The following SEC31B variants were observed in gnomAD, a reference collection of about 807,000 sequenced individuals.
The protein encoded by SEC31B is protein transport protein Sec31B.
Under a neutral mutation model 135.0 loss-of-function variants are expected in SEC31B, and 113 were observed. The ratio of observed to expected loss-of-function variants is 0.84; its 90% CI spans 0.72 to 0.98. The LOEUF is 0.98. SEC31B is among the 50% of genes least tolerant of loss of function. SEC31B has a pLI of 0.00. For missense variants in SEC31B, 1,296 were observed against 1,421.1 expected (o/e 0.91, Z 1.42); for synonymous variants, 508 against 549.4 (o/e 0.92, Z 1.05).
chr10:100,507,209 T>G (rs1235086297), intron 7 of SEC31B, among the ~76,000 whole-genome samples: 2 of 152,230 alleles, frequency 1.3e-5, no homozygotes, highest in Non-Finnish European at 2.9e-5. Context: ...TCTCTGGAAT[T>G]TAGATGGAAT....
At position 100,488,929 on chromosome 10, in the gene SEC31B, G is replaced by C; in HGVS notation, c.3217C>G (p.Pro1073Ala). Residue 1073 changes from proline to alanine, a missense_variant, in exon 24 of 26, where the codon CCA becomes GCA. By Grantham distance (27) the Pro-to-Ala change is conservative (BLOSUM62 -1). Transcript: ENST00000370345. ...PEKMERKELP[P>A]EHQSLKSSFE... ...CTGCTCTTCAAGGACTGATGCTCTG[G>C]GGGCAGCTCCTTCCTTTCCATCTTC... 6.2e-7 allele frequency: 1 copy of C among 1,611,636 alleles called. No individual in the cohort carries two copies.
At chr10:100,489,984 G>T in intron 21 of SEC31B, 24 bp downstream of exon 21, 1 of 1,533,040 alleles carries the variant, frequency 6.5e-7, no homozygotes, top group South Asian at 1.3e-5. Flanking sequence ...ACCCAGAAGA[G>T]GGATCCATGG....
In SEC31B at chr10:100,510,879, A is replaced by G. The variant is rs149383939; in HGVS notation, c.204-1368T>C. ...ATACAGCAGAAGGATGTTTTTCCATACAGGCTGAAGAGGCTGCCATGTCAT... is the reference window on the plus strand; with the variant it reads ...ATACAGCAGAAGGATGTTTTTCCATGCAGGCTGAAGAGGCTGCCATGTCAT... On this transcript the variant is annotated intron_variant, in intron 3 of 25. Coordinates refer to ENST00000370345, the MANE Select transcript of SEC31B (RefSeq NM_015490.4). Among the ~76,000 whole-genome samples, 8 of 152,332 alleles carry G rather than the reference A, an allele frequency of 5.3e-5. No individual in the cohort carries two copies. In the East Asian group the frequency reaches 1.5e-3, roughly 29 times the overall value.
At chr10:100,497,456 A>T in intron 16 of SEC31B, 176 bp from the exon 17 acceptor site, 1 of 1,473,308 alleles carries the variant, frequency 6.8e-7, no homozygotes, top group South Asian at 1.4e-5. Context: ...TGGTGTGACA[A>T]GACAAGGTAA....
intron 19 of SEC31B, among the ~76,000 whole-genome samples, chr10:100,492,957 A>G (rs1214370302): frequency 6.6e-6 from 1 of 152,256 alleles, no homozygotes; most frequent in African/African-American, 2.4e-5. Flanking sequence ...TCATGGACTG[A>G]AAGACTGAAC....
At chr10:100,515,686 T>C (rs1039943408) in intron 3 of SEC31B, among the ~76,000 whole-genome samples, 29 of 152,320 alleles carry the variant, frequency 1.9e-4, no homozygotes, top group African/African-American at 6.7e-4. Flanking sequence ...ATGAAATCCA[T>C]GAGAACCAAT....
intron 10 of SEC31B, 124 bp downstream of exon 10, chr10:100,505,237 G>A (rs1182735366): frequency 8.2e-7 from 1 of 1,216,066 alleles, no homozygotes; most frequent in Non-Finnish European, 1.1e-6. Context: ...CTGAGACAGA[G>A]GCAGTGGGAA....
At chr10:100,507,392 C>G (rs1589738434) in intron 7 of SEC31B, 33 bp downstream of exon 7, 13 of 1,613,960 alleles carry the variant, frequency 8.1e-6, no homozygotes, top group East Asian at 6.7e-5. Flanking sequence ...TCCACCATCC[C>G]CCCAAGGATA....
intron 3 of SEC31B, among the ~76,000 whole-genome samples, chr10:100,514,486 T>C (rs1324821516): frequency 6.6e-6 from 1 of 151,722 alleles, no homozygotes; most frequent in African/African-American, 2.4e-5. Flanking sequence ...TAAGAGTATC[T>C]AATCATCATC....
chr10:100,497,356 G>A (rs893410343), intron 16 of SEC31B, 76 bp from the exon 17 acceptor site: 1 of 1,581,150 alleles, frequency 6.3e-7, no homozygotes. Flanking sequence ...GAAACAGGGA[G>A]AGGACCATGA....
At chr10:100,490,557 G>T in intron 20 of SEC31B, 149 bp downstream of exon 20, 1 of 906,300 alleles carries the variant, frequency 1.1e-6, no homozygotes, top group Non-Finnish European at 1.6e-6. Flanking sequence ...AAGGTACGAA[G>T]CCAGTGATAG....
At chr10:100,492,187 C>T (rs914971050) in intron 19 of SEC31B, among the ~76,000 whole-genome samples, 8 of 152,182 alleles carry the variant, frequency 5.3e-5, no homozygotes, top group Non-Finnish European at 1.0e-4. Flanking sequence ...TGTTTTTCCT[C>T]TAAGACTGGA....
chr10:100,489,735 G>A lies in SEC31B; in HGVS notation c.2992C>T (p.Pro998Ser), dbSNP rs1459727402. 3.1e-6 allele frequency: 5 copies of A among 1,613,944 alleles called. No individual in the cohort carries two copies. Among genetic ancestry groups the A allele is most frequent in the African/African-American group, 1.3e-5 (1 of 74,876 alleles). The change falls in exon 22 of 26, where the codon CCA (proline) becomes TCA (serine). Residue 998 changes from proline to serine, a missense_variant. By Grantham distance (74) the Pro-to-Ser change is moderately conservative. Coordinates refer to ENST00000370345, the MANE Select transcript of SEC31B (RefSeq NM_015490.4). ...PGPQDSWKEAPAPRGNLQRNK... is the reference protein window; with the variant it reads ...PGPQDSWKEASAPRGNLQRNK... ...CTCTGGAGGTTTCCCCTGGGGGCTG[G>A]GGCTTCTTTCCAGGAATCTTGAGGT...
intron 9 of SEC31B, 185 bp from the exon 10 acceptor site, chr10:100,505,680 T>C: frequency 7.1e-7 from 1 of 1,414,346 alleles, no homozygotes; most frequent in Non-Finnish European, 9.2e-7. Context: ...GCAAGTAGGC[T>C]CTTGGAAAGA....
chr10:100,498,943 G>C, intron 13 of SEC31B, 139 bp from the exon 14 acceptor site: 1 of 715,596 alleles, frequency 1.4e-6, no homozygotes, highest in South Asian at 1.8e-5. Flanking sequence ...GTTTGGGGAG[G>C]GCCATAGTTC....
Position 100,509,599 on chromosome 10 carries a change from T to A in SEC31B, c.204-88A>T, listed in dbSNP as rs920880272. The A allele has an allele frequency of 3.6e-6, 4 of 1,103,018 alleles. No individual in the cohort carries two copies. In the South Asian group the frequency reaches 6.9e-5, roughly 19 times the overall value. 68.3% of individuals were successfully genotyped at this position (1,103,018 alleles called of 1,614,324 possible). A position where few individuals can be genotyped will look rare whatever the true frequency, so the allele number is the denominator to read the frequency against. ...GCATCTCTGTCAGCTTCTGCCATTATGCAGGCAGCCCCACCCCTAGCTGGA... is the reference window on the plus strand; with the variant it reads ...GCATCTCTGTCAGCTTCTGCCATTAAGCAGGCAGCCCCACCCCTAGCTGGA... On this transcript the variant is annotated intron_variant, in intron 3 of 25. Transcript: ENST00000370345.
intron 10 of SEC31B, among the ~76,000 whole-genome samples, chr10:100,504,157 TCA>T (rs1465720556): frequency 6.6e-6 from 1 of 152,202 alleles, no homozygotes; most frequent in Non-Finnish European, 1.5e-5. Context: ...AATGAATTGT[TCA>T]AGGTTACCCA....
At chr10:100,515,205 T>C (rs1368091280) in intron 3 of SEC31B, among the ~76,000 whole-genome samples, 2 of 151,998 alleles carry the variant, frequency 1.3e-5, no homozygotes, top group African/African-American at 4.8e-5. Flanking sequence ...GGCGGGAGGA[T>C]TGCTTGAGCC....
At chr10:100,496,452 G>A in intron 17 of SEC31B, 21 bp from the exon 18 acceptor site, 1 of 1,613,172 alleles carries the variant, frequency 6.2e-7, no homozygotes. Flanking sequence ...AAGGATGAGG[G>A]TGGTAAGCCT....
Sources: allele counts gnomAD v4.1 joint callset (sites outside exome capture counted in the v4.1 genomes callset), GRCh38; gene constraint gnomAD v4.1.1; transcripts MANE v1.5; gene names NCBI Gene and HGNC (gene_info 2026-07-23, HGNC 2026-07-21).